Variants in RAD54B observed in about 807,000 individuals in gnomAD.
The protein encoded by RAD54B is RAD54 homolog B.
Under a neutral mutation model 95.8 loss-of-function variants are expected in RAD54B, and 78 were observed. The ratio of observed to expected loss-of-function variants is 0.81; its 90% CI spans 0.68 to 0.98. The LOEUF is 0.98. Among genes scored for constraint, RAD54B ranks in the 50% least tolerant of loss-of-function variants. RAD54B has a pLI of 0.00. For missense variants in RAD54B, 957 were observed against 1,056.6 expected, an observed-to-expected ratio of 0.91 and a Z score of 1.31; for synonymous variants, 328 against 354.9, an observed-to-expected ratio of 0.92 and a Z score of 0.85.
intron 3 of RAD54B, among the ~76,000 whole-genome samples, chr8:94,449,043 T>TGCAC (rs1048899841): frequency 1.0e-5 from 1 of 99,568 alleles, no homozygotes; most frequent in African/African-American, 4.7e-5. Context: ...CATACACACA[T>TGCAC]GCATGCACAC....
chr8:94,465,588 A>C (rs750483751), intron 2 of RAD54B, among the ~76,000 whole-genome samples: 24 of 152,368 alleles, frequency 1.6e-4, no homozygotes, highest in Middle Eastern at 3.4e-3. Flanking sequence ...ACAGCTATGA[A>C]AAACAGTTTG....
intron 11 of RAD54B, among the ~76,000 whole-genome samples, chr8:94,384,743 C>T (rs933072811): frequency 1.3e-5 from 2 of 152,012 alleles, no homozygotes; most frequent in Admixed American, 6.6e-5. Context: ...GAACAAAGAC[C>T]CAGCCTGTGC....
intron 3 of RAD54B, among the ~76,000 whole-genome samples, chr8:94,423,112 G>A (rs910134936): frequency 2.6e-5 from 4 of 151,850 alleles, no homozygotes; most frequent in Admixed American, 6.6e-5. Context: ...GGCCGGGCAC[G>A]GTGGCTCACG....
intron 3 of RAD54B, among the ~76,000 whole-genome samples, chr8:94,426,276 A>C (rs1007891353): frequency 5.3e-5 from 8 of 152,104 alleles, no homozygotes; most frequent in African/African-American, 1.7e-4. Flanking sequence ...AAAAAAAAAA[A>C]AAAAACTCAT....
chr8:94,422,648 ATATAT>A lies in RAD54B; in HGVS notation c.305-11338_305-11334del, dbSNP rs1563650817. ...TATATATATATATATATATATATATATATATAAAATTATCAGTGTTACAGCTCTTT... is the reference window on the plus strand; with the variant it reads ...TATATATATATATATATATATATATAAAAATTATCAGTGTTACAGCTCTTT... On this transcript the variant is annotated intron_variant, in intron 3 of 14. Coordinates refer to ENST00000336148, the MANE Select transcript of RAD54B (RefSeq NM_012415.3). 3.0e-3 allele frequency among the ~76,000 whole-genome samples: 363 copies of A among 121,850 alleles called. 3 individuals are homozygous for A. Among genetic ancestry groups the A allele is most frequent in the Non-Finnish European group, 5.4e-3 (317 of 58,532 alleles). 79.9% of individuals were successfully genotyped at this position (121,850 alleles called of 152,430 possible).
intron 9 of RAD54B, 39 bp downstream of exon 9, chr8:94,393,704 A>G (rs376113815): frequency 6.7e-7 from 1 of 1,501,182 alleles, no homozygotes; most frequent in African/African-American, 1.4e-5. Flanking sequence ...CCTCAGACAT[A>G]CGGCTTTTTA....
chr8:94,413,124 A>G (rs1290515707), intron 3 of RAD54B, among the ~76,000 whole-genome samples: 6 of 152,210 alleles, frequency 3.9e-5, no homozygotes, highest in African/African-American at 1.4e-4. Context: ...AATTTTGTTA[A>G]GATAGTAATT....
chr8:94,400,445 TC>T lies in RAD54B; in HGVS notation c.962del (p.Gly321GlufsTer10), dbSNP rs1563642548. The T allele has an allele frequency of 6.2e-7, 1 of 1,609,806 alleles. No homozygotes were observed. The highest frequency in any genetic ancestry group is 1.1e-5 in the South Asian group (1 of 90,158). On this transcript the variant is annotated frameshift_variant, in exon 7 of 15. Transcript: ENST00000336148. LOFTEE classifies it high-confidence loss of function. Reference protein sequence around the residue: ...VMGMRMNGRCGAILADEMGLG... With the variant: ...VMGMRMNGRCXAILADEMGLG... ...AACCCATTTCATCAGCAAGAATAGC[TC>T]CACATCTGCCATTCATTCTGTTAGA...
intron 3 of RAD54B, chr8:94,436,933 C>A: frequency 6.9e-7 from 1 of 1,455,822 alleles, no homozygotes. Context: ...CTGCTCAGCT[C>A]TTTTCACAAA....
At chr8:94,442,387 A>G (rs1812418235) in intron 3 of RAD54B, among the ~76,000 whole-genome samples, 1 of 152,152 alleles carries the variant, frequency 6.6e-6, no homozygotes, top group South Asian at 2.1e-4. Flanking sequence ...CCTGGCTAAC[A>G]TGGTGAAACC....
intron 11 of RAD54B, among the ~76,000 whole-genome samples, chr8:94,384,490 G>A (rs1480002895): frequency 6.7e-6 from 1 of 148,168 alleles, no homozygotes; most frequent in Non-Finnish European, 1.5e-5. Context: ...TGTTAAGGGA[G>A]GGGAAAATAA....
chr8:94,412,420 T>G (rs984179981), intron 3 of RAD54B, among the ~76,000 whole-genome samples: 11 of 151,934 alleles, frequency 7.2e-5, no homozygotes, highest in African/African-American at 2.4e-4. Flanking sequence ...TTGGATCATA[T>G]GATATGTTAC....
chr8:94,431,107 T>C (rs1812081661), intron 3 of RAD54B: 2 of 969,954 alleles, frequency 2.1e-6, no homozygotes, highest in Middle Eastern at 5.3e-4. Context: ...TTAAGTAACA[T>C]ACATATTAGA....
intron 2 of RAD54B, among the ~76,000 whole-genome samples, chr8:94,465,574 T>C (rs1198799586): frequency 1.3e-5 from 2 of 152,134 alleles, no homozygotes; most frequent in Non-Finnish European, 2.9e-5. Flanking sequence ...AGATGTAAAA[T>C]GGTACAGCTA....
chr8:94,435,250 A>T (rs1391043341), intron 3 of RAD54B, among the ~76,000 whole-genome samples: 1 of 152,076 alleles, frequency 6.6e-6, no homozygotes, highest in Non-Finnish European at 1.5e-5. Context: ...CCCAAGAATT[A>T]ATCCACTGTG....
chr8:94,428,212 G>A (rs949634552), intron 3 of RAD54B: 26 of 862,782 alleles, frequency 3.0e-5, no homozygotes, highest in Admixed American at 6.2e-5. Context: ...ATCAAATGTA[G>A]TATATTTCTA....
intron 3 of RAD54B, chr8:94,427,829 G>A (rs1811981924): frequency 1.0e-6 from 1 of 960,340 alleles, no homozygotes; most frequent in Non-Finnish European, 1.2e-6. Context: ...TTAAACATGT[G>A]TATTTAAAAG....
At chr8:94,374,622 C>T (rs1810522639) in intron 14 of RAD54B, among the ~76,000 whole-genome samples, 1 of 151,814 alleles carries the variant, frequency 6.6e-6, no homozygotes, top group Non-Finnish European at 1.5e-5. Flanking sequence ...GATAAGAAAA[C>T]TAGTGTAATA....
At chr8:94,442,929 A>T (rs1319661712) in intron 3 of RAD54B, among the ~76,000 whole-genome samples, 1 of 152,170 alleles carries the variant, frequency 6.6e-6, no homozygotes, top group Non-Finnish European at 1.5e-5. Flanking sequence ...TGGCAAAAGG[A>T]CATATACCTC....
Sources: gnomAD v4.1 joint callset for allele counts (sites outside exome capture counted in the v4.1 genomes callset) on GRCh38, gnomAD v4.1.1 for gene constraint, MANE v1.5 for transcripts, NCBI Gene and HGNC (gene_info 2026-07-23, HGNC 2026-07-21) for gene names.